Variants in BFSP1 observed in about 807,000 individuals in gnomAD.
BFSP1 encodes the protein filensin.
Under a neutral mutation model 43.9 loss-of-function variants are expected in BFSP1, and 38 were observed. The observed-to-expected ratio is 0.87, with a 90% CI of 0.67 to 1.14. The LOEUF (loss-of-function observed/expected upper bound fraction) is 1.14, where lower values mean the gene tolerates loss of function less well. Ranked by LOEUF, BFSP1 falls within the 50% of genes most tolerant of loss-of-function variation. The pLI is 0.00. For synonymous variants in BFSP1, 352 were observed against 354.8 expected (o/e 0.99, Z 0.09); for missense variants, 850 against 875.1 (o/e 0.97, Z 0.36).
intron 1 of BFSP1, among the ~76,000 whole-genome samples, chr20:17,554,125 G>A (rs1238504806): frequency 2.6e-5 from 4 of 151,840 alleles, no homozygotes; most frequent in African/African-American, 4.8e-5. Flanking sequence ...AACTTGAGAA[G>A]AACAAAAGAA....
upstream of BFSP1, among the ~76,000 whole-genome samples, chr20:17,533,910 G>T (rs2034589256): frequency 6.6e-6 from 1 of 152,206 alleles, no homozygotes; most frequent in Non-Finnish European, 1.5e-5. Context: ...TCTGCCCTCA[G>T]GGTGCAGGAG....
upstream of BFSP1, among the ~76,000 whole-genome samples, chr20:17,531,863 T>A (rs2034551265): frequency 1.3e-5 from 2 of 152,142 alleles, no homozygotes; most frequent in South Asian, 2.1e-4. Context: ...ATTGCTCGGT[T>A]ATGCATGCAA....
rs778665498 is a variant in BFSP1, at chr20:17,525,640, C to A, written c.378-732G>T. Among the ~76,000 whole-genome samples the A allele has an allele frequency of 6.6e-6, 1 of 152,276 alleles. No homozygotes were observed. The highest frequency in any genetic ancestry group is 2.4e-5 in the African/African-American group (1 of 41,554). ...CTGCTCGGCTGGGACAACTGAGGCA[C>A]GTCCCTCTGGGGGAATTTTAACCCT... is the stretch of plus-strand genomic sequence containing the variant. On this transcript the variant is annotated intron_variant, in intron 1 of 7. Transcript: ENST00000377873. This position sits in a 1 kb window ranked among gnomAD's most constrained non-coding sequence, Gnocchi z 4.2.
intron 1 of BFSP1, among the ~76,000 whole-genome samples, chr20:17,553,060 G>C (rs2034920971): frequency 6.6e-6 from 1 of 152,184 alleles, no homozygotes; most frequent in Non-Finnish European, 1.5e-5. Flanking sequence ...GGGGACTCTG[G>C]AGATCAGCGG....
chr20:17,531,546 C>G (rs900150662), upstream of BFSP1, among the ~76,000 whole-genome samples: 8 of 152,210 alleles, frequency 5.3e-5, no homozygotes, highest in Non-Finnish European at 1.2e-4. Context: ...CCATACAGCT[C>G]CGGGGTTGGA....
intron 1 of BFSP1, among the ~76,000 whole-genome samples, chr20:17,542,070 C>T (rs1223910066): frequency 6.6e-6 from 1 of 152,122 alleles, no homozygotes; most frequent in South Asian, 2.1e-4. Context: ...ATTGCAGAGT[C>T]AACACATCAA....
At chr20:17,512,144 G>A in intron 3 of BFSP1, 76 bp from the exon 4 acceptor site, 1 of 1,229,122 alleles carries the variant, frequency 8.1e-7, no homozygotes, top group Non-Finnish European at 1.2e-6. Flanking sequence ...GATGAGAACA[G>A]GAATGGACAC....
intron 1 of BFSP1, among the ~76,000 whole-genome samples, chr20:17,568,103 G>A (rs2035143503): frequency 1.3e-5 from 2 of 152,098 alleles, no homozygotes; most frequent in Non-Finnish European, 2.9e-5. Context: ...GTTCTGGAAT[G>A]AGAAGTTTCG....
At chr20:17,547,170 GT>G (rs201196922) in intron 1 of BFSP1, among the ~76,000 whole-genome samples, 3,225 of 151,818 alleles carry the variant, frequency 0.021, 64 homozygotes, top group Non-Finnish European at 0.029. Flanking sequence ...CTTTGTCTCT[GT>G]AAAAAATTAA....
intron 4 of BFSP1, among the ~76,000 whole-genome samples, chr20:17,510,125 C>G (rs1187767012): frequency 6.6e-6 from 1 of 152,208 alleles, no homozygotes; most frequent in Admixed American, 6.5e-5. Flanking sequence ...CTTTCTCAAT[C>G]GGTGCTTCTC....
At chr20:17,537,521 A>G (rs1392212882) in intron 1 of BFSP1, among the ~76,000 whole-genome samples, 1 of 150,788 alleles carries the variant, frequency 6.6e-6, no homozygotes, top group African/African-American at 2.4e-5. Flanking sequence ...GAGAGCACTA[A>G]GCATCCAACC....
chr20:17,559,095 T>C, upstream of BFSP1: 1 of 179,418 alleles, frequency 5.6e-6, no homozygotes, highest in Non-Finnish European at 1.2e-5. Flanking sequence ...TTTGCCTCAT[T>C]TACACGTAAG....
intron 1 of BFSP1, among the ~76,000 whole-genome samples, chr20:17,544,193 T>G (rs1049105440): frequency 1.3e-5 from 2 of 152,168 alleles, no homozygotes; most frequent in Non-Finnish European, 2.9e-5. Flanking sequence ...CAACTGGATC[T>G]CAACATATCT....
At chr20:17,565,733 G>T (rs1175402775) in intron 1 of BFSP1, 1 of 152,178 alleles carries the variant, frequency 6.6e-6, no homozygotes, top group Non-Finnish European at 1.5e-5. Flanking sequence ...AAGAGAGAAG[G>T]TGCTCAAAGG....
intron 1 of BFSP1, among the ~76,000 whole-genome samples, chr20:17,565,119 C>T (rs781758783): frequency 7.9e-5 from 12 of 152,122 alleles, no homozygotes; most frequent in Non-Finnish European, 1.6e-4. Context: ...AGTCAATCTC[C>T]ACTCCCACCC....
At chr20:17,550,715 C>G (rs1010422356) in intron 1 of BFSP1, among the ~76,000 whole-genome samples, 5 of 152,184 alleles carry the variant, frequency 3.3e-5, no homozygotes, top group African/African-American at 9.6e-5. Context: ...TCAGGTGATC[C>G]ACCCGCCTCG....
chr20:17,556,248 AC>A lies in BFSP1; in HGVS notation c.2+2439del, dbSNP rs528925946. Among the ~76,000 whole-genome samples the A allele has an allele frequency of 2.9e-3, 442 of 152,272 alleles. 4 individuals are homozygous for A. The highest frequency in any genetic ancestry group is 0.01 in the African/African-American group (418 of 41,550). ...CCGGGTGCAGTGGCTCGTGCCTGTAACCCCAGCACTTTTGGAGGCCAAGGCG... is the reference window on the plus strand; with the variant it reads ...CCGGGTGCAGTGGCTCGTGCCTGTAACCCAGCACTTTTGGAGGCCAAGGCG... On this transcript the variant is annotated intron_variant, in intron 1 of 7. Transcript: ENST00000377868.
upstream of BFSP1, chr20:17,560,914 C>T (rs569261450): frequency 2.1e-4 from 32 of 152,292 alleles, no homozygotes; most frequent in African/African-American, 6.5e-4. Flanking sequence ...TCTTAACCAC[C>T]GTGTGAAACA....
At position 17,531,193 on chromosome 20, in the gene BFSP1, C is replaced by G. The variant is rs143850362; in HGVS notation, c.137G>C (p.Gly46Ala). The change falls in exon 1 of 8, where the codon GGG becomes GCG. Residue 46 changes from glycine (G) to alanine (A), a missense_variant. Coordinates refer to ENST00000377873, the MANE Select transcript of BFSP1 (RefSeq NM_001195.5). Reference sequence around the variant, plus strand: ...GTGGGCGGCCACGCGCTCGCCGAGCCCCTGCAGCGCCGCCAGGCTCGTTGC... The same window carrying G: ...GTGGGCGGCCACGCGCTCGCCGAGCGCCTGCAGCGCCGCCAGGCTCGTTGC... Reference protein sequence around the residue: ...AGATSLAALQGLGERVAAHVQ... With the variant: ...AGATSLAALQALGERVAAHVQ... 1.7e-3 allele frequency: 2,221 copies of G among 1,304,188 alleles called. 37 individuals are homozygous for G. In the African/African-American group the frequency reaches 0.031, roughly 18 times the overall value. 80.8% of individuals were successfully genotyped at this position (1,304,188 alleles called of 1,614,324 possible).
Sources: allele counts gnomAD v4.1 joint callset (sites outside exome capture counted in the v4.1 genomes callset), GRCh38; gene constraint gnomAD v4.1.1; non-coding constraint Gnocchi (gnomAD v3.1); transcripts MANE v1.5; gene names NCBI Gene and HGNC (gene_info 2026-07-23, HGNC 2026-07-21).